Variants in KCND2 observed in about 807,000 individuals in gnomAD.
The protein encoded by KCND2 is A-type voltage-gated potassium channel KCND2.
In KCND2, 16 loss-of-function variants were observed where a neutral mutation model predicts 54.4. The observed-to-expected ratio is 0.29, with a 90% CI of 0.20 to 0.45. KCND2 has a LOEUF of 0.45. Among genes scored for constraint, KCND2 ranks in the 20% least tolerant of loss-of-function variants. The pLI, the probability that KCND2 is intolerant of heterozygous loss-of-function variation, is 1.00. For missense variants in KCND2, 486 were observed against 824.2 expected, an observed-to-expected ratio of 0.59 and a Z score of 5.02; for synonymous variants, 317 against 310.7, an observed-to-expected ratio of 1.02 and a Z score of -0.21.
At chr7:120,383,082 T>C (rs543608276) in intron 1 of KCND2, among the ~76,000 whole-genome samples, 5 of 152,162 alleles carry the variant, frequency 3.3e-5, no homozygotes, top group African/African-American at 1.2e-4. Context: ...ATGAAGAAGA[T>C]GATTTAAAAG....
intron 1 of KCND2, among the ~76,000 whole-genome samples, chr7:120,651,084 G>C (rs1791726192): frequency 7.0e-6 from 1 of 143,270 alleles, no homozygotes; most frequent in Non-Finnish European, 1.5e-5. Flanking sequence ...TGAGGAGGCA[G>C]TCTGACCATT....
chr7:120,294,412 T>G (rs1345354411), intron 1 of KCND2, among the ~76,000 whole-genome samples: 1 of 151,896 alleles, frequency 6.6e-6, no homozygotes, highest in Admixed American at 6.6e-5. Flanking sequence ...CCTTGTTAAA[T>G]GGCTAAACAC....
chr7:120,275,261 G>A lies in KCND2; in HGVS notation c.629G>A (p.Gly210Glu). 6.2e-7 allele frequency: 1 copy of A among 1,613,898 alleles called. No individual in the cohort carries two copies. Among genetic ancestry groups the A allele is most frequent in the Non-Finnish European group, 8.5e-7 (1 of 1,179,988 alleles). The change falls in exon 1 of 6, where the codon GGA becomes GAA. Residue 210 changes from glycine (G) to glutamate (E), a missense_variant. Around this residue, in one of 7 missense-constraint regions of KCND2, gnomAD observed 231 missense variants for 386.0 expected, o/e 0.60. Coordinates refer to ENST00000331113, the MANE Select transcript of KCND2 (RefSeq NM_012281.3). ...AATGTGGTGGAAACAGTGCCGTGCG[G>A]ATCAAGCCCAGGTCACATTAAAGAA... ...IANVVETVPC[G>E]SSPGHIKELP...
intron 1 of KCND2, among the ~76,000 whole-genome samples, chr7:120,649,080 C>A (rs1320338946): frequency 1.3e-5 from 2 of 152,246 alleles, no homozygotes; most frequent in East Asian, 3.9e-4. Context: ...CTAATCCTAA[C>A]CTCTCATTTA....
intron 1 of KCND2, among the ~76,000 whole-genome samples, chr7:120,374,969 C>A (rs898431266): frequency 6.6e-6 from 1 of 151,838 alleles, no homozygotes; most frequent in Non-Finnish European, 1.5e-5. Flanking sequence ...GGAAAAGGAG[C>A]TAGTCAAATC....
intron 1 of KCND2, among the ~76,000 whole-genome samples, chr7:120,302,531 A>C (rs1332130712): frequency 6.6e-6 from 1 of 152,202 alleles, no homozygotes; most frequent in Non-Finnish European, 1.5e-5. Flanking sequence ...TTGGCCTCCC[A>C]GAGTGCTGCG....
At chr7:120,429,916 C>T (rs1401581819) in intron 1 of KCND2, among the ~76,000 whole-genome samples, 1 of 152,104 alleles carries the variant, frequency 6.6e-6, no homozygotes, top group East Asian at 1.9e-4. Context: ...GGAAGATGCA[C>T]ATAACATAGT....
chr7:120,570,505 A>G (rs948609094), intron 1 of KCND2, among the ~76,000 whole-genome samples: 3 of 151,994 alleles, frequency 2.0e-5, no homozygotes, highest in African/African-American at 4.8e-5. Flanking sequence ...CCTATGTAGT[A>G]TGAACCAATA....
At chr7:120,323,205 C>G (rs6942755) in intron 1 of KCND2, among the ~76,000 whole-genome samples, 19,071 of 152,010 alleles carry the variant, frequency 0.13, 1,267 homozygotes, top group African/African-American at 0.16. Flanking sequence ...GCCCTGTGTT[C>G]TCATTATTCA....
chr7:120,361,875 A>C (rs1412893074), intron 1 of KCND2, among the ~76,000 whole-genome samples: 1 of 152,074 alleles, frequency 6.6e-6, no homozygotes, highest in African/African-American at 2.4e-5. Context: ...AGTCCAGGCT[A>C]TTTCTGTACT....
intron 2 of KCND2, 46 bp from the exon 3 acceptor site, chr7:120,741,488 A>G: frequency 7.6e-7 from 1 of 1,320,936 alleles, no homozygotes; most frequent in Non-Finnish European, 1.1e-6. Context: ...TGTTTTAAGG[A>G]AACGATTTAT....
chr7:120,582,392 T>C (rs1792528384), intron 1 of KCND2, among the ~76,000 whole-genome samples: 1 of 152,322 alleles, frequency 6.6e-6, no homozygotes, highest in Non-Finnish European at 1.5e-5. Context: ...TTCTTAATAT[T>C]CTATAGTCAA....
rs545790038 is a variant in KCND2, at chr7:120,598,078, TA to T, written c.1116-134814del. On this transcript the variant is annotated intron_variant, in intron 1 of 5. Coordinates refer to ENST00000331113, the MANE Select transcript of KCND2 (RefSeq NM_012281.3). Reference sequence around the variant, plus strand: ...AGAGACACCATTAACCCAAAAAAACTAAAAAAAAAAACTAAAGAAAAACTAA... The same window carrying T: ...AGAGACACCATTAACCCAAAAAAACTAAAAAAAAAACTAAAGAAAAACTAA... Among the ~76,000 whole-genome samples the T allele has an allele frequency of 2.8e-3, 400 of 140,468 alleles. 3 individuals are homozygous for T. The highest frequency in any genetic ancestry group is 9.7e-3 in the African/African-American group (374 of 38,376). The allele number at this position is 140,468 out of a possible 152,430, so 92.2% of individuals were successfully genotyped here. A position where few individuals can be genotyped will look rare whatever the true frequency, so the allele number is the denominator to read the frequency against.
chr7:120,531,503 A>G (rs532170260), intron 1 of KCND2, among the ~76,000 whole-genome samples: 30 of 152,156 alleles, frequency 2.0e-4, no homozygotes, highest in South Asian at 1.2e-3. Context: ...AACACTCCCC[A>G]TCTTAGAAAA....
intron 1 of KCND2, among the ~76,000 whole-genome samples, chr7:120,706,053 T>C (rs1403480075): frequency 6.6e-6 from 1 of 152,108 alleles, no homozygotes; most frequent in Non-Finnish European, 1.5e-5. Context: ...TCACCATCTA[T>C]TTCATAGGGT....
At chr7:120,433,044 T>C (rs1801816799) in intron 1 of KCND2, among the ~76,000 whole-genome samples, 1 of 152,164 alleles carries the variant, frequency 6.6e-6, no homozygotes, top group South Asian at 2.1e-4. Context: ...GATGTGTGGC[T>C]CTCCTACCTC....
chr7:120,377,190 CTT>C (rs1800845038), intron 1 of KCND2, among the ~76,000 whole-genome samples: 1 of 151,864 alleles, frequency 6.6e-6, no homozygotes, highest in African/African-American at 2.4e-5. Flanking sequence ...ATAATGCTGA[CTT>C]AACTCCTTCT....
intron 1 of KCND2, among the ~76,000 whole-genome samples, chr7:120,523,825 A>G (rs1014609490): frequency 2.0e-5 from 3 of 150,400 alleles, no homozygotes; most frequent in African/African-American, 7.3e-5. Context: ...ATATATATAT[A>G]TTCAGCAACA....
chr7:120,519,535 A>C (rs1459912564), intron 1 of KCND2, among the ~76,000 whole-genome samples: 1 of 152,116 alleles, frequency 6.6e-6, no homozygotes, highest in East Asian at 1.9e-4. Context: ...GTCCAGGCTA[A>C]CACCTTGGTT....
Sources: allele counts gnomAD v4.1 joint callset (sites outside exome capture counted in the v4.1 genomes callset), GRCh38; gene constraint gnomAD v4.1.1; regional missense constraint gnomAD v4.1.1; transcripts MANE v1.5; gene names NCBI Gene and HGNC (gene_info 2026-07-23, HGNC 2026-07-21).